The following PHACTR2 variants were observed in gnomAD, a reference collection of about 807,000 sequenced individuals.
PHACTR2 encodes phosphatase and actin regulator 2.
PHACTR2 carries 30 observed loss-of-function variants against 76.0 expected under a neutral mutation model. The observed-to-expected ratio is 0.39, with a 90% confidence interval of 0.30 to 0.54. The LOEUF (loss-of-function observed/expected upper bound fraction) is 0.54. Among genes scored for constraint, PHACTR2 ranks in the 20% least tolerant of loss-of-function variants. The pLI is 0.61. For synonymous variants in PHACTR2, 292 were observed against 292.5 expected (o/e 1.00, Z 0.02); for missense variants, 696 against 781.1 (o/e 0.89, Z 1.30).
At chr6:143,704,786 A>G (rs995163267) in intron 1 of PHACTR2, among the ~76,000 whole-genome samples, 1 of 152,076 alleles carries the variant, frequency 6.6e-6, no homozygotes, top group African/African-American at 2.4e-5. Flanking sequence ...CTGGTCTGAC[A>G]GTTTCTCAGA....
intron 4 of PHACTR2, among the ~76,000 whole-genome samples, chr6:143,756,614 G>A (rs1459166387): frequency 1.3e-5 from 2 of 151,618 alleles, no homozygotes; most frequent in East Asian, 1.9e-4. Flanking sequence ...CAGGAGAATG[G>A]CGTGAACCCG....
rs1281742117 is a variant in PHACTR2, at chr6:143,646,941, A to G, written c.13+38619A>G. Among the ~76,000 whole-genome samples, 1 of 152,230 alleles carries G rather than the reference A, an allele frequency of 6.6e-6. No homozygotes were observed. The highest frequency in any genetic ancestry group is 2.4e-5 in the African/African-American group (1 of 41,470). ...ATCACGATGATTCTCTATAATCAAC[A>G]TTTCTTAAGTGCCCAGTGAGGTAAG... is the stretch of plus-strand genomic sequence containing the variant. On this transcript the variant is annotated intron_variant, in intron 1 of 11. Coordinates refer to the PHACTR2 transcript ENST00000305766. This position sits in a 1 kb window ranked among gnomAD's most constrained non-coding sequence, Gnocchi z 4.1.
chr6:143,710,362 GT>G lies in PHACTR2; in HGVS notation c.47-1646del, dbSNP rs1174086676. ...ACATTTTTATGTAACACCCGTGGTT[GT>G]TTTTTTTAGTTGTATTTAGCCAGAG... On this transcript the variant is annotated intron_variant, in intron 1 of 12. Transcript: ENST00000440869. This position sits in a 1 kb window ranked among gnomAD's most constrained non-coding sequence, Gnocchi z 4.9. 4.6e-5 allele frequency among the ~76,000 whole-genome samples: 7 copies of G among 151,952 alleles called. No homozygotes were observed. The highest frequency in any genetic ancestry group is 4.6e-4 in the Admixed American group (7 of 15,254).
rs1166361158 is a variant in PHACTR2, at chr6:143,730,473, T to C, written c.214+18290T>C. Among the ~76,000 whole-genome samples the C allele has an allele frequency of 6.6e-6, 1 of 152,228 alleles. No homozygotes were observed. The highest frequency in any genetic ancestry group is 2.4e-5 in the African/African-American group (1 of 41,464). The stretch of plus-strand genomic sequence containing the variant: ...AATGTCAATTTCCAGTTGTTCCTTG[T>C]ATCATGCTACCTTATTAAACTCACT... On this transcript the variant is annotated intron_variant, in intron 2 of 12. Coordinates refer to ENST00000440869, the MANE Select transcript of PHACTR2 (RefSeq NM_001100164.2). The surrounding 1 kb of genome is among the most constrained non-coding windows in gnomAD (Gnocchi z 4.8).
rs1776150271 is a variant in PHACTR2, at chr6:143,621,377, A to AT, written c.13+13055_13+13056insT. On this transcript the variant is annotated intron_variant, in intron 1 of 11. Coordinates refer to the PHACTR2 transcript ENST00000305766. This position sits in a 1 kb window ranked among gnomAD's most constrained non-coding sequence, Gnocchi z 4.1. ...GCCCTCTCAGGCCTCCTCGGTGCAGAAGGGCAAATCCTTCCCATAGTTCCT... is the reference window on the plus strand; with the variant it reads ...GCCCTCTCAGGCCTCCTCGGTGCAGATAGGGCAAATCCTTCCCATAGTTCCT... Among the ~76,000 whole-genome samples, 1 of 152,170 alleles carries AT rather than the reference A, an allele frequency of 6.6e-6. No homozygotes were observed. The highest frequency in any genetic ancestry group is 6.5e-5 in the Admixed American group (1 of 15,274).
chr6:143,805,572 T>C (rs1776047380), intron 11 of PHACTR2, among the ~76,000 whole-genome samples: 1 of 152,138 alleles, frequency 6.6e-6, no homozygotes, highest in Admixed American at 6.5e-5. Context: ...CTCTTTCTCC[T>C]TCTGGTTCTA....
At chr6:143,746,402 A>G (rs1247297687) in intron 2 of PHACTR2, among the ~76,000 whole-genome samples, 2 of 152,206 alleles carry the variant, frequency 1.3e-5, no homozygotes, top group African/African-American at 2.4e-5. Flanking sequence ...CCGGTTAGGA[A>G]GACAGCCACC....
chr6:143,562,444 A>G lies in PHACTR2; in HGVS notation c.217+25237A>G, dbSNP rs114040861. Among the ~76,000 whole-genome samples the G allele has an allele frequency of 0.01, 1,563 of 152,116 alleles. 31 individuals carry two copies. The highest frequency in any genetic ancestry group is 0.033 in the African/African-American group (1,385 of 41,468). ...TTTTAAGTGACCAGGTCTCACGAGAACTCACTCACTATTGCAAAGACAGCA... is the reference window on the plus strand; with the variant it reads ...TTTTAAGTGACCAGGTCTCACGAGAGCTCACTCACTATTGCAAAGACAGCA... On this transcript the variant is annotated intron_variant, in intron 1 of 11. Transcript: ENST00000367584. The surrounding 1 kb of genome is among the most constrained non-coding windows in gnomAD (Gnocchi z 5.1).
rs551377040 is a variant in PHACTR2, at chr6:143,546,876, A to T, written c.217+9669A>T. ...CCCCATCTCAAAAAAAAAAAAAATA[A>T]AAAATAAAAAATTAGCCAGGTGAAC... On this transcript the variant is annotated intron_variant, in intron 1 of 11. Transcript: ENST00000367584. This position sits in a 1 kb window ranked among gnomAD's most constrained non-coding sequence, Gnocchi z 4.9. Among the ~76,000 whole-genome samples, 5 of 148,224 alleles carry T rather than the reference A, an allele frequency of 3.4e-5. No homozygotes were observed. The highest frequency in any genetic ancestry group is 2.1e-4 in the East Asian group (1 of 4,874).
rs200967850 is a variant in PHACTR2, at chr6:143,772,473, A to G, written c.1432+16A>G. 1.1e-3 allele frequency: 1,703 copies of G among 1,594,652 alleles called. 3 individuals carry two copies. Among genetic ancestry groups the G allele is most frequent in the Non-Finnish European group, 1.4e-3 (1,583 of 1,163,872 alleles). On this transcript the variant is annotated intron_variant, in intron 7 of 12. Coordinates refer to ENST00000440869, the MANE Select transcript of PHACTR2 (RefSeq NM_001100164.2). This position sits in a 1 kb window ranked among gnomAD's most constrained non-coding sequence, Gnocchi z 5.4. ...AGTGGAGAAAGTAAGACTGTTTTCAAGAGGCAGGGAGGAGCGTGGGTGATA... is the reference window on the plus strand; with the variant it reads ...AGTGGAGAAAGTAAGACTGTTTTCAGGAGGCAGGGAGGAGCGTGGGTGATA...
intron 2 of PHACTR2, among the ~76,000 whole-genome samples, chr6:143,723,662 G>A (rs1242142888): frequency 6.6e-6 from 1 of 152,190 alleles, no homozygotes; most frequent in East Asian, 1.9e-4. Context: ...AGGGAAGGGT[G>A]TTGTGGGGAA....
rs1778107680 is a variant in PHACTR2 at position 143,708,803 on chromosome 6, A to T, written c.47-3213A>T. 6.6e-6 allele frequency among the ~76,000 whole-genome samples: 1 copy of T among 152,326 alleles called. No individual in the cohort carries two copies. The highest frequency in any genetic ancestry group is 1.5e-5 in the Non-Finnish European group (1 of 68,032). On this transcript the variant is annotated intron_variant, in intron 1 of 12. Coordinates refer to ENST00000440869, the MANE Select transcript of PHACTR2 (RefSeq NM_001100164.2). This position sits in a 1 kb window ranked among gnomAD's most constrained non-coding sequence, Gnocchi z 5.5. Reference sequence around the variant, plus strand: ...GCAAATATGGTCTATGATAGGGGAAAAATAGGCTGTTCTTAATTGCTTCAG... The same window carrying T: ...GCAAATATGGTCTATGATAGGGGAATAATAGGCTGTTCTTAATTGCTTCAG...
rs1775116914 is a variant in PHACTR2 at position 143,553,177 on chromosome 6, C to CA, written c.217+15975dup. On this transcript the variant is annotated intron_variant, in intron 1 of 11. Transcript: ENST00000367584. The surrounding 1 kb of genome is among the most constrained non-coding windows in gnomAD (Gnocchi z 4.2). ...TCTCTATTATGTGCCAGTGAGAAAA[C>CA]AAAAATCCAGCTCATAGAGACTGCA... Among the ~76,000 whole-genome samples the CA allele has an allele frequency of 1.3e-5, 2 of 152,254 alleles. No individual in the cohort carries two copies.
At chr6:143,622,601 G>T (rs773050202) in intron 1 of PHACTR2, among the ~76,000 whole-genome samples, 13 of 152,106 alleles carry the variant, frequency 8.5e-5, no homozygotes, top group Non-Finnish European at 1.9e-4. Flanking sequence ...TCATTACATA[G>T]ATTTTAAAAA....
chr6:143,687,675 C>T (rs1777554226), intron 1 of PHACTR2, among the ~76,000 whole-genome samples: 2 of 152,142 alleles, frequency 1.3e-5, no homozygotes, highest in African/African-American at 4.8e-5. Context: ...ATTTTCATTT[C>T]AAGGGGCTGG....
intron 1 of PHACTR2, among the ~76,000 whole-genome samples, chr6:143,564,703 C>T (rs1474783739): frequency 6.6e-6 from 1 of 152,116 alleles, no homozygotes; most frequent in Non-Finnish European, 1.5e-5. Flanking sequence ...TGGTAAATGC[C>T]ACTGGCTGAT....
rs563780647 is a variant in PHACTR2, at chr6:143,777,383, C to T, written c.1645C>T (p.Gln549Ter). Residue 549 changes from glutamine to a stop codon, truncating the protein, a stop_gained and splice_region_variant, in exon 9 of 13, where the codon CAA becomes TAA. Transcript: ENST00000440869. LOFTEE classifies it high-confidence loss of function. This position sits in a 1 kb window ranked among gnomAD's most constrained non-coding sequence, Gnocchi z 4.6. Reference protein sequence around the residue: ...EELEQRNILKQKNEEEEQEAK... With the variant: ...EELEQRNILK Reference sequence around the variant, plus strand: ...ATTAGAGCAAAGAAACATCCTAAAACGTGAGTATTCTATACTATAGAATGA... The same window carrying T: ...ATTAGAGCAAAGAAACATCCTAAAATGTGAGTATTCTATACTATAGAATGA... The T allele has an allele frequency of 2.6e-6, 4 of 1,556,586 alleles. No homozygotes were observed. Among genetic ancestry groups the T allele is most frequent in the Admixed American group, 1.7e-5 (1 of 59,454 alleles).
Position 143,721,432 on chromosome 6 carries a change from A to T in PHACTR2, c.214+9249A>T, listed in dbSNP as rs181881726. ...AAAACACTTTCATAATTTTCAATTG[A>T]AATTAAGAATTTTTGAGTTGTAAAG... On this transcript the variant is annotated intron_variant, in intron 2 of 12. Transcript: ENST00000440869. Among the ~76,000 whole-genome samples the T allele has an allele frequency of 5.9e-5, 9 of 152,324 alleles. 1 individual carries two copies. Among genetic ancestry groups the T allele is most frequent in the East Asian group, 3.9e-4 (2 of 5,190 alleles).
At chr6:143,632,820 T>C (rs759767736) in intron 1 of PHACTR2, among the ~76,000 whole-genome samples, 2 of 152,216 alleles carry the variant, frequency 1.3e-5, no homozygotes, top group Non-Finnish European at 2.9e-5. Flanking sequence ...TCCATAGTTT[T>C]GCCTTTTTCA....
Sources: allele counts gnomAD v4.1 joint callset (sites outside exome capture counted in the v4.1 genomes callset), GRCh38; gene constraint gnomAD v4.1.1; non-coding constraint Gnocchi (gnomAD v3.1); transcripts MANE v1.5; gene names NCBI Gene and HGNC (gene_info 2026-07-23, HGNC 2026-07-21).